Variants in CNPY4 observed in about 807,000 individuals in gnomAD.
CNPY4 encodes protein canopy homolog 4.
In CNPY4, 33 loss-of-function variants were observed where a neutral mutation model predicts 30.1. The ratio of observed to expected loss-of-function variants is 1.10; its 90% CI spans 0.83 to 1.46. The LOEUF (loss-of-function observed/expected upper bound fraction) is 1.46, where lower values mean the gene tolerates loss of function less well. CNPY4 is among the 40% of genes most tolerant of loss of function. The pLI is 0.00. For synonymous variants in CNPY4, 109 were observed against 110.1 expected, an observed-to-expected ratio of 0.99 and a Z score of 0.06; for missense variants, 324 against 302.6, an observed-to-expected ratio of 1.07 and a Z score of -0.52.
chr7:100,124,183 C>T (rs1419846347), intron 4 of CNPY4, among the ~76,000 whole-genome samples: 6 of 151,624 alleles, frequency 4.0e-5, no homozygotes, highest in East Asian at 1.9e-4. Flanking sequence ...TCCACCATCA[C>T]TTATTGAGCA....
intron 1 of CNPY4, 84 bp from the exon 2 acceptor site, chr7:100,122,175 C>T: frequency 6.4e-7 from 1 of 1,552,010 alleles, no homozygotes; most frequent in African/African-American, 1.4e-5. Flanking sequence ...CACTTGTATG[C>T]TCTGCTGCCT....
At chr7:100,122,069 TGAA>T (rs1798090151) in intron 1 of CNPY4, 187 bp from the exon 2 acceptor site, 3 of 456,792 alleles carry the variant, frequency 6.6e-6, no homozygotes, top group Admixed American at 8.6e-5. Flanking sequence ...AAAAAAAAGA[TGAA>T]GAAACCGAGG....
chr7:100,120,128 C>T, intron 1 of CNPY4: 2 of 370,128 alleles, frequency 5.4e-6, no homozygotes, highest in Non-Finnish European at 9.8e-6. Context: ...GTTCAGGGAC[C>T]ATCGGCCCGG....
At chr7:100,120,756 G>A (rs1336690167) in intron 1 of CNPY4, among the ~76,000 whole-genome samples, 2 of 152,108 alleles carry the variant, frequency 1.3e-5, no homozygotes, top group Non-Finnish European at 2.9e-5. Context: ...ACGGGCCTGG[G>A]CACAGTGGCT....
chr7:100,124,677 C>T, intron 5 of CNPY4, 46 bp downstream of exon 5: 2 of 1,612,132 alleles, frequency 1.2e-6, no homozygotes, highest in Non-Finnish European at 1.7e-6. Flanking sequence ...CATAGCCTCC[C>T]CTGCCTCCAG....
At position 100,122,846 on chromosome 7, in the gene CNPY4, G is replaced by A. The variant is rs1477550610; in HGVS notation, c.405G>A (p.Leu135=). 1.9e-6 allele frequency: 3 copies of A among 1,613,752 alleles called. No homozygotes were observed. Among genetic ancestry groups the A allele is most frequent in the Non-Finnish European group, 2.5e-6 (3 of 1,179,938 alleles). Residue 135 remains leucine (L), a synonymous_variant, in exon 4 of 6, where the codon CTG becomes CTA. Coordinates refer to ENST00000262932, the MANE Select transcript of CNPY4 (RefSeq NM_152755.2). ...TGCAGAAGGGGGTGAAGGTGGATCT[G>A]GGGATCCCTCTGGAGCTTTGGGATG... ...GLVQKGVKVD[L]GIPLELWDEP...
intron 4 of CNPY4, 134 bp from the exon 5 acceptor site, chr7:100,124,380 A>C: frequency 1.5e-6 from 1 of 662,474 alleles, no homozygotes; most frequent in South Asian, 1.8e-5. Flanking sequence ...TGAGGATTGC[A>C]CATCTAGTAG....
rs1569055 is a variant in CNPY4 at position 100,123,017 on chromosome 7, C to A, written c.465+111C>A. On this transcript the variant is annotated intron_variant, in intron 4 of 5. Transcript: ENST00000262932. ...TCTACCCCTAAGCATGGGGAAGGGG[C>A]CAGAGTGAGGACTGTGCCATTGATT... 7 of 1,245,516 alleles carry A rather than the reference C, an allele frequency of 5.6e-6. No individual in the cohort carries two copies. The Admixed American group carries it at 1.3e-4, about 24-fold the overall frequency. The allele number at this position is 1,245,516 out of a possible 1,614,324, so 77.2% of individuals were successfully genotyped here.
In CNPY4 at chr7:100,122,321, G is replaced by C; in HGVS notation, c.181G>C (p.Val61Leu). ...ELSRTGRSRE[V>L]LELGQVLDTG... ...GAGTCGCACCGGTCGATCTCGAGAG[G>C]TGCTGGAGCTGGGGCAGGTGCTGGA... is the stretch of plus-strand genomic sequence containing the variant. The change falls in exon 2 of 6, where the codon GTG (valine) becomes CTG (leucine). Residue 61 changes from valine to leucine, a missense_variant. By Grantham distance (32) the Val-to-Leu change is conservative (BLOSUM62 1). Coordinates refer to ENST00000262932, the MANE Select transcript of CNPY4 (RefSeq NM_152755.2). 1 of 1,614,180 alleles carries C rather than the reference G, an allele frequency of 6.2e-7. No individual in the cohort carries two copies. Among genetic ancestry groups the C allele is most frequent in the Non-Finnish European group, 8.5e-7 (1 of 1,180,040 alleles).
chr7:100,121,150 T>G (rs1798053091), intron 1 of CNPY4: 1 of 95,990 alleles, frequency 1.0e-5, no homozygotes, highest in Non-Finnish European at 2.2e-5. Context: ...TTTTTTTTTT[T>G]CTCTTTTCAG....
Position 100,122,569 on chromosome 7 carries a change from T to TA in CNPY4, c.335dup (p.Tyr112Ter). 1 of 1,608,556 alleles carries TA rather than the reference T, an allele frequency of 6.2e-7. No individual in the cohort carries two copies. The highest frequency in any genetic ancestry group is 8.5e-7 in the Non-Finnish European group (1 of 1,176,850). The stretch of plus-strand genomic sequence containing the variant: ...CGCTGAGCGCAAGGGCTCACTGAGA[T>TA]ATGCCAAGGTCAGACCCTTCCCCAG... ...VHAERKGSLR[Y>*]AKGQSQTMAT... The change falls in exon 3 of 6, where the codon TAT becomes TAAT. Residue 112 changes from tyrosine (Y) to a stop codon, truncating the protein, a stop_gained and frameshift_variant. Transcript: ENST00000262932. LOFTEE classifies it high-confidence loss of function.
At position 100,122,534 on chromosome 7, in the gene CNPY4, A is replaced by G. The variant is rs140098379; in HGVS notation, c.299A>G (p.Tyr100Cys). ...LENLCERILD[Y>C]SVHAERKGSL... ...AATTTATGTGAGCGGATCCTGGACTATAGTGTTCACGCTGAGCGCAAGGGC... is the reference window on the plus strand; with the variant it reads ...AATTTATGTGAGCGGATCCTGGACTGTAGTGTTCACGCTGAGCGCAAGGGC... Residue 100 changes from tyrosine to cysteine, a missense_variant, in exon 3 of 6, where the codon TAT becomes TGT. Transcript: ENST00000262932. The G allele has an allele frequency of 1.9e-6, 3 of 1,613,764 alleles. No homozygotes were observed. The highest frequency in any genetic ancestry group is 2.7e-5 in the African/African-American group (2 of 74,912).
At chr7:100,122,940 A>G in intron 4 of CNPY4, 34 bp downstream of exon 4, 1 of 1,586,022 alleles carries the variant, frequency 6.3e-7, no homozygotes, top group African/African-American at 1.3e-5. Context: ...CAGGGAGGTG[A>G]GAAGGGAACC....
Position 100,122,493 on chromosome 7 carries a change from G to A in CNPY4, c.258G>A (p.Leu86=), listed in dbSNP as rs1488606937. 3 of 1,613,908 alleles carry A rather than the reference G, an allele frequency of 1.9e-6. No homozygotes were observed. In the African/African-American group the frequency reaches 4.0e-5, roughly 22 times the overall value. Residue 86 remains leucine, a synonymous_variant, in exon 3 of 6, where the codon CTG becomes CTA. Coordinates refer to ENST00000262932, the MANE Select transcript of CNPY4 (RefSeq NM_152755.2). ...TCTCTTTCCACAGAGAGACAAGGCT[G>A]GAAGAGGCCTTAGAGAATTTATGTG... The part of the protein sequence containing the change: ...HVPYSVSETR[L]EEALENLCER...
Position 100,125,319 on chromosome 7 carries a change from C to T in CNPY4, c.*431C>T, listed in dbSNP as rs1395864844. ...TGCGATCTATATACATTGCCTGTAT[C>T]CAGGAGGCTACACACCAGCAAACCG... On this transcript the variant is annotated 3_prime_UTR_variant, in exon 6 of 6. Coordinates refer to ENST00000262932, the MANE Select transcript of CNPY4 (RefSeq NM_152755.2). 1.8e-5 allele frequency: 3 copies of T among 163,552 alleles called. No individual in the cohort carries two copies. Among genetic ancestry groups the T allele is most frequent in the Non-Finnish European group, 2.7e-5 (2 of 74,160 alleles). 10.1% of individuals were successfully genotyped at this position (163,552 alleles called of 1,614,324 possible). A position where few individuals can be genotyped will look rare whatever the true frequency, so the allele number is the denominator to read the frequency against.
intron 1 of CNPY4, chr7:100,122,007 G>A (rs1490662511): frequency 1.1e-5 from 4 of 370,526 alleles, no homozygotes; most frequent in African/African-American, 4.6e-5. Flanking sequence ...CCGAGACTGC[G>A]CCACTGCACT....
At chr7:100,120,282 C>G (rs1254726004) in intron 1 of CNPY4, 1 of 156,060 alleles carries the variant, frequency 6.4e-6, no homozygotes, top group African/African-American at 2.4e-5. Context: ...TCCCAAATTA[C>G]AGGCCCCACA....
chr7:100,125,061 C>T lies in CNPY4; in HGVS notation c.*173C>T. 2.9e-6 allele frequency: 2 copies of T among 685,296 alleles called. No individual in the cohort carries two copies. Among genetic ancestry groups the T allele is most frequent in the Non-Finnish European group, 4.7e-6 (2 of 422,076 alleles). The allele number at this position is 685,296 out of a possible 1,614,324, so 42.5% of individuals were successfully genotyped here. Reference sequence around the variant, plus strand: ...ATCCTGGTGAAACAGCATGACATGGCTTCTGGGGTGGAGGGTGGGGGTGGA... The same window carrying T: ...ATCCTGGTGAAACAGCATGACATGGTTTCTGGGGTGGAGGGTGGGGGTGGA... On this transcript the variant is annotated 3_prime_UTR_variant, in exon 6 of 6. Transcript: ENST00000262932.
chr7:100,121,549 G>A (rs1478446734), intron 1 of CNPY4: 1 of 152,004 alleles, frequency 6.6e-6, no homozygotes, highest in Non-Finnish European at 1.5e-5. Flanking sequence ...CTGGGTTCGA[G>A]TGATTCTCCT....
Sources: gnomAD v4.1 joint callset for allele counts (sites outside exome capture counted in the v4.1 genomes callset) on GRCh38, gnomAD v4.1.1 for gene constraint, MANE v1.5 for transcripts, NCBI Gene and HGNC (gene_info 2026-07-23, HGNC 2026-07-21) for gene names.